The following SLC39A11 variants were observed in gnomAD, a reference collection of about 807,000 sequenced individuals.
The protein encoded by SLC39A11 is zinc transporter ZIP11.
Under a neutral mutation model 36.1 loss-of-function variants are expected in SLC39A11, and 33 were observed. The ratio of observed to expected loss-of-function variants is 0.91; its 90% CI spans 0.69 to 1.22. The LOEUF (loss-of-function observed/expected upper bound fraction) is 1.22. SLC39A11 is among the 50% of genes most tolerant of loss of function. SLC39A11 has a pLI of 0.00. For synonymous variants in SLC39A11, 166 were observed against 170.3 expected (o/e 0.97, Z 0.20); for missense variants, 432 against 430.3 (o/e 1.00, Z -0.03).
At chr17:72,949,806 A>G (rs2085730249) in intron 4 of SLC39A11, among the ~76,000 whole-genome samples, 1 of 152,060 alleles carries the variant, frequency 6.6e-6, no homozygotes, top group Non-Finnish European at 1.5e-5. Flanking sequence ...TTCATTTAAA[A>G]CATGTGTCTC....
chr17:73,019,818 G>A (rs2058283941), intron 4 of SLC39A11, among the ~76,000 whole-genome samples: 1 of 152,106 alleles, frequency 6.6e-6, no homozygotes, highest in Non-Finnish European at 1.5e-5. Context: ...TTCCAATTAA[G>A]AGACGGAGAT....
chr17:72,717,291 G>T (rs2073448008), intron 7 of SLC39A11, among the ~76,000 whole-genome samples: 1 of 152,116 alleles, frequency 6.6e-6, no homozygotes, highest in Admixed American at 6.6e-5. Context: ...AGACGCCGAT[G>T]GAGGTAGGGA....
At chr17:72,751,061 A>G (rs2075136409) in intron 6 of SLC39A11, among the ~76,000 whole-genome samples, 1 of 152,218 alleles carries the variant, frequency 6.6e-6, no homozygotes, top group South Asian at 2.1e-4. Context: ...AGCCTGGCCA[A>G]CATGGCAAAA....
At chr17:73,059,879 T>C (rs1555697837) in intron 3 of SLC39A11, among the ~76,000 whole-genome samples, 1 of 151,840 alleles carries the variant, frequency 6.6e-6, no homozygotes, top group Non-Finnish European at 1.5e-5. Flanking sequence ...AAGAAGGTTG[T>C]AGGAGGTTTG....
chr17:73,057,782 C>T (rs1192614468), intron 3 of SLC39A11, among the ~76,000 whole-genome samples: 6 of 152,060 alleles, frequency 3.9e-5, no homozygotes, highest in East Asian at 1.9e-4. Flanking sequence ...TACAAAAATA[C>T]GAAAATTAGC....
chr17:72,686,822 G>A (rs991680958), intron 7 of SLC39A11, among the ~76,000 whole-genome samples: 1 of 152,182 alleles, frequency 6.6e-6, no homozygotes, highest in Admixed American at 6.5e-5. Context: ...CTAAACAGGG[G>A]CGTAATGGGA....
chr17:72,736,793 G>A, intron 6 of SLC39A11, 74 bp from the exon 7 acceptor site: 24 of 1,185,750 alleles, frequency 2.0e-5, no homozygotes, highest in Non-Finnish European at 2.9e-5. Flanking sequence ...CACTGTCACT[G>A]CATTAAGTAG....
intron 5 of SLC39A11, among the ~76,000 whole-genome samples, chr17:72,855,424 T>C (rs889296822): frequency 1.3e-5 from 2 of 152,174 alleles, no homozygotes; most frequent in East Asian, 1.9e-4. Context: ...CATGGTATTA[T>C]TGGAGATGAT....
intron 4 of SLC39A11, among the ~76,000 whole-genome samples, chr17:72,955,585 A>C (rs1402676632): frequency 6.6e-6 from 1 of 151,518 alleles, no homozygotes; most frequent in East Asian, 1.9e-4. Flanking sequence ...CTGGGATTAC[A>C]GGCGTGAGCC....
At chr17:72,764,905 CA>C (rs1056514099) in intron 6 of SLC39A11, among the ~76,000 whole-genome samples, 2 of 152,162 alleles carry the variant, frequency 1.3e-5, no homozygotes, top group African/African-American at 4.8e-5. Flanking sequence ...AAAATTATAA[CA>C]GTGAGAAAAT....
rs112693742 is a variant in SLC39A11 at position 72,661,805 on chromosome 17, T to C, written c.672-12537A>G. Among the ~76,000 whole-genome samples, 923 of 152,272 alleles carry C rather than the reference T, an allele frequency of 6.1e-3. 6 individuals are homozygous for C. Among genetic ancestry groups the C allele is most frequent in the Non-Finnish European group, 0.011 (738 of 68,006 alleles). ...CTGGCGAGATGAGATGACCCATCCA[T>C]TCCCTTACAGTCTGCTGCCTTCCTT... On this transcript the variant is annotated intron_variant, in intron 7 of 9. Coordinates refer to ENST00000255559, the MANE Select transcript of SLC39A11 (RefSeq NM_139177.4).
chr17:72,931,886 C>T (rs1235007390), intron 5 of SLC39A11, among the ~76,000 whole-genome samples: 1 of 152,210 alleles, frequency 6.6e-6, no homozygotes. Context: ...ACAAAGTCCA[C>T]TGTGACTAGT....
intron 6 of SLC39A11, among the ~76,000 whole-genome samples, chr17:72,747,071 C>A (rs1239116397): frequency 3.3e-5 from 5 of 152,138 alleles, no homozygotes; most frequent in African/African-American, 1.2e-4. Flanking sequence ...AAACTAAAAA[C>A]AAAACATGTT....
chr17:72,799,301 T>C (rs1488516842), intron 6 of SLC39A11, among the ~76,000 whole-genome samples: 3 of 152,180 alleles, frequency 2.0e-5, no homozygotes, highest in Admixed American at 6.5e-5. Flanking sequence ...ACTGTGATAA[T>C]TGTGTTAACT....
chr17:72,930,967 C>T (rs955927511), intron 5 of SLC39A11, among the ~76,000 whole-genome samples: 2 of 152,170 alleles, frequency 1.3e-5, no homozygotes, highest in African/African-American at 4.8e-5. Context: ...TCTTCCAATT[C>T]CTGGTACCAA....
At chr17:72,959,328 T>TAC (rs1454339567) in intron 4 of SLC39A11, among the ~76,000 whole-genome samples, 1 of 44,508 alleles carries the variant, frequency 2.2e-5, no homozygotes, top group Non-Finnish European at 4.5e-5. Context: ...TGTGTGTGTA[T>TAC]ATATATATAT....
At chr17:72,661,310 T>G (rs1463751033) in intron 7 of SLC39A11, among the ~76,000 whole-genome samples, 2 of 152,142 alleles carry the variant, frequency 1.3e-5, no homozygotes, top group Non-Finnish European at 2.9e-5. Context: ...GGTGTAGTTC[T>G]GGGGTTCGAG....
At chr17:72,685,230 T>C (rs2071688063) in intron 7 of SLC39A11, among the ~76,000 whole-genome samples, 1 of 152,228 alleles carries the variant, frequency 6.6e-6, no homozygotes, top group East Asian at 1.9e-4. Context: ...CTGGACACTC[T>C]GCTCCGATGC....
At chr17:73,057,753 C>T (rs1392962888) in intron 3 of SLC39A11, among the ~76,000 whole-genome samples, 1 of 152,160 alleles carries the variant, frequency 6.6e-6, no homozygotes, top group Admixed American at 6.5e-5. Flanking sequence ...GCCTGGCGAA[C>T]ATGGTGAAAC....
Sources: allele counts gnomAD v4.1 joint callset (sites outside exome capture counted in the v4.1 genomes callset), GRCh38; gene constraint gnomAD v4.1.1; transcripts MANE v1.5; gene names NCBI Gene and HGNC (gene_info 2026-07-23, HGNC 2026-07-21).